Variants in TMEM229B observed in about 807,000 individuals in gnomAD.
The protein encoded by TMEM229B is chromosome 14 open reading frame 83.
Under a neutral mutation model 13.7 loss-of-function variants are expected in TMEM229B, and 6 were observed. That is an observed-to-expected ratio of 0.44 (90% CI 0.24 to 0.86). The LOEUF is 0.86. Among genes scored for constraint, TMEM229B ranks in the 40% least tolerant of loss-of-function variants. The probability of loss-of-function intolerance (pLI) is 0.23; values close to 1 mark genes in which losing one functional copy is unlikely to be tolerated. For missense variants in TMEM229B, 170 were observed against 236.0 expected (o/e 0.72, Z 1.83); for synonymous variants, 107 against 102.1 (o/e 1.05, Z -0.29).
exon 1 of TMEM229B, chr14:67,515,400 G>C (rs1166986167): frequency 1.1e-5 from 2 of 179,400 alleles, no homozygotes; most frequent in African/African-American, 4.9e-5. Context: ...CGGGAGGAAA[G>C]GAGCCCCCGG....
At chr14:67,483,668 A>C (rs74884161) in intron 2 of TMEM229B, among the ~76,000 whole-genome samples, 185 of 152,336 alleles carry the variant, frequency 1.2e-3, no homozygotes, top group African/African-American at 4.2e-3. Flanking sequence ...CTCAGGCCCC[A>C]AGGCATGCGC....
At chr14:67,531,893 C>A (rs1016139478) in intron 1 of TMEM229B, among the ~76,000 whole-genome samples, 197 of 53,586 alleles carry the variant, frequency 3.7e-3, no homozygotes, top group Non-Finnish European at 5.4e-3. Flanking sequence ...GAGAACAGAA[C>A]AAGAAGAACC....
At chr14:67,524,765 A>G (rs1046414948) in intron 1 of TMEM229B, among the ~76,000 whole-genome samples, 1 of 152,320 alleles carries the variant, frequency 6.6e-6, no homozygotes, top group East Asian at 1.9e-4. Context: ...TGTTGTGGTC[A>G]CAGTGTAATT....
At chr14:67,490,455 C>G (rs1475310261), upstream of TMEM229B, among the ~76,000 whole-genome samples, 2 of 152,186 alleles carry the variant, frequency 1.3e-5, no homozygotes, top group Non-Finnish European at 2.9e-5. Flanking sequence ...GGCAAGGGGC[C>G]AAGCGCAGGT....
At chr14:67,525,949 G>C (rs942610585) in intron 1 of TMEM229B, among the ~76,000 whole-genome samples, 2 of 152,150 alleles carry the variant, frequency 1.3e-5, no homozygotes, top group African/African-American at 4.8e-5. Flanking sequence ...GCAGTGTTTG[G>C]AAGAAACAGC....
At chr14:67,488,058 G>A (rs1296364983) in intron 1 of TMEM229B, among the ~76,000 whole-genome samples, 1 of 152,230 alleles carries the variant, frequency 6.6e-6, no homozygotes, top group Non-Finnish European at 1.5e-5. Flanking sequence ...ATCTGCATAT[G>A]CCCAAGGACA....
chr14:67,475,769 C>T (rs76671430), intron 2 of TMEM229B, among the ~76,000 whole-genome samples: 5 of 152,162 alleles, frequency 3.3e-5, no homozygotes, highest in African/African-American at 1.2e-4. Context: ...CTTCAACGCC[C>T]GGCTCCCATG....
intron 2 of TMEM229B, among the ~76,000 whole-genome samples, chr14:67,476,495 A>G (rs1490585099): frequency 3.3e-5 from 5 of 152,058 alleles, no homozygotes; most frequent in African/African-American, 9.7e-5. Context: ...GCTGAGGCAG[A>G]AAAATTGCTT....
intron 1 of TMEM229B, among the ~76,000 whole-genome samples, chr14:67,527,765 T>C (rs1355178239): frequency 6.6e-6 from 1 of 152,228 alleles, no homozygotes; most frequent in African/African-American, 2.4e-5. Flanking sequence ...GCTTCTATTT[T>C]ACAGTTAGGT....
At chr14:67,480,372 A>C (rs1276341763) in intron 2 of TMEM229B, among the ~76,000 whole-genome samples, 2 of 152,106 alleles carry the variant, frequency 1.3e-5, no homozygotes, top group African/African-American at 4.8e-5. Flanking sequence ...TCCCACAGAC[A>C]TCCCGGGAGA....
Position 67,475,769 on chromosome 14 carries a change from C to G in TMEM229B, c.-18-1828G>C, listed in dbSNP as rs76671430. ...TTAAACCCCACCAGTCTTCAACGCCCGGCTCCCATGCTGCTTCTCTCTACT... is the reference window on the plus strand; with the variant it reads ...TTAAACCCCACCAGTCTTCAACGCCGGGCTCCCATGCTGCTTCTCTCTACT... On this transcript the variant is annotated intron_variant, in intron 2 of 2. Transcript: ENST00000554480. 3.7e-3 allele frequency among the ~76,000 whole-genome samples: 562 copies of G among 152,278 alleles called. 6 individuals are homozygous for G. The highest frequency in any genetic ancestry group is 0.013 in the African/African-American group (544 of 41,556).
At chr14:67,532,782 T>C (rs969208554) in intron 1 of TMEM229B, among the ~76,000 whole-genome samples, 4 of 152,238 alleles carry the variant, frequency 2.6e-5, no homozygotes, top group Admixed American at 1.3e-4. Flanking sequence ...GACTGAAATA[T>C]GGACTTCTGT....
intron 2 of TMEM229B, among the ~76,000 whole-genome samples, chr14:67,482,309 AGG>A (rs2031633495): frequency 6.6e-6 from 1 of 152,236 alleles, no homozygotes; most frequent in South Asian, 2.1e-4. Flanking sequence ...AGTCTAAGAC[AGG>A]CTGAAGGCAA....
At chr14:67,496,043 A>G (rs2032352127) in intron 1 of TMEM229B, among the ~76,000 whole-genome samples, 1 of 152,180 alleles carries the variant, frequency 6.6e-6, no homozygotes, top group East Asian at 1.9e-4. Context: ...ACAGCCAAAC[A>G]GCTGAAAGAG....
upstream of TMEM229B, among the ~76,000 whole-genome samples, chr14:67,490,020 C>T (rs1804101214): frequency 6.6e-6 from 1 of 151,876 alleles, no homozygotes; most frequent in Non-Finnish European, 1.5e-5. Flanking sequence ...GTCTATGTGT[C>T]TGTTTCCCCC....
At chr14:67,520,659 A>C (rs1031218811) in intron 1 of TMEM229B, among the ~76,000 whole-genome samples, 1 of 145,994 alleles carries the variant, frequency 6.8e-6, no homozygotes, top group Non-Finnish European at 1.5e-5. Context: ...GCAGGTTTTT[A>C]TGTGGACATA....
At chr14:67,483,887 C>A (rs573797030) in intron 2 of TMEM229B, among the ~76,000 whole-genome samples, 1 of 152,166 alleles carries the variant, frequency 6.6e-6, no homozygotes, top group Non-Finnish European at 1.5e-5. Context: ...GCCTCAGATC[C>A]CAAGCAAACC....
At chr14:67,501,887 C>G (rs776713453) in intron 1 of TMEM229B, among the ~76,000 whole-genome samples, 4 of 152,238 alleles carry the variant, frequency 2.6e-5, no homozygotes, top group African/African-American at 9.6e-5. Context: ...TACGAATATT[C>G]ATACTGTGCA....
upstream of TMEM229B, among the ~76,000 whole-genome samples, chr14:67,489,002 A>G (rs2032041116): frequency 6.6e-6 from 1 of 151,958 alleles, no homozygotes; most frequent in Non-Finnish European, 1.5e-5. Flanking sequence ...GACACTCCCT[A>G]TCCCCCAAGA....
Sources: gnomAD v4.1 joint callset for allele counts (sites outside exome capture counted in the v4.1 genomes callset) on GRCh38, gnomAD v4.1.1 for gene constraint, MANE v1.5 for transcripts, NCBI Gene and HGNC (gene_info 2026-07-23, HGNC 2026-07-21) for gene names.